PKN2: variants seen among roughly 807,000 people sequenced by gnomAD.
PKN2 encodes the protein serine/threonine-protein kinase N2.
A neutral mutation model predicts 119.1 loss-of-function variants in PKN2; 38 were observed. The observed-to-expected ratio is 0.32, with a 90% confidence interval of 0.25 to 0.42. The LOEUF is 0.42. PKN2 is among the 10% of genes least tolerant of loss of function. The probability of loss-of-function intolerance (pLI) is 1.00; values close to 1 mark genes in which losing one functional copy is unlikely to be tolerated. For missense variants in PKN2, 850 were observed against 1,165.1 expected, an observed-to-expected ratio of 0.73 and a Z score of 3.94; for synonymous variants, 390 against 384.9, an observed-to-expected ratio of 1.01 and a Z score of -0.15.
At position 88,781,159 on chromosome 1, in the gene PKN2, A is replaced by C. The variant is rs775327705; in HGVS notation, c.986-3480A>C. Reference sequence around the variant, plus strand: ...ATGACGAAAAGATGAACATGGATGAATAGTAAGAGCATTTGCTGTTCTGAA... The same window carrying C: ...ATGACGAAAAGATGAACATGGATGACTAGTAAGAGCATTTGCTGTTCTGAA... On this transcript the variant is annotated intron_variant, in intron 6 of 21. Transcript: ENST00000370521. The C allele has an allele frequency of 2.3e-6, 3 of 1,280,726 alleles. No individual in the cohort carries two copies. In the South Asian group the frequency reaches 3.8e-5, roughly 16 times the overall value. The allele number at this position is 1,280,726 out of a possible 1,614,324, so 79.3% of individuals were successfully genotyped here.
At chr1:88,799,964 G>A (rs551560561) in intron 8 of PKN2, among the ~76,000 whole-genome samples, 18 of 152,178 alleles carry the variant, frequency 1.2e-4, no homozygotes, top group African/African-American at 3.9e-4. Flanking sequence ...TCGTGTACAC[G>A]TTTGCAGAAA....
intron 16 of PKN2, among the ~76,000 whole-genome samples, chr1:88,818,578 G>A (rs1672111301): frequency 6.6e-6 from 1 of 151,628 alleles, no homozygotes; most frequent in South Asian, 2.1e-4. Flanking sequence ...AACCTGGGAG[G>A]TGGAGGTTGC....
At chr1:88,783,907 A>G (rs1226470568) in intron 6 of PKN2, among the ~76,000 whole-genome samples, 1 of 152,214 alleles carries the variant, frequency 6.6e-6, no homozygotes, top group African/African-American at 2.4e-5. Context: ...ACATTTATTT[A>G]GTTATACAAA....
chr1:88,720,145 C>T (rs1197200283), intron 1 of PKN2, among the ~76,000 whole-genome samples: 2 of 152,066 alleles, frequency 1.3e-5, no homozygotes, highest in African/African-American at 4.8e-5. Context: ...CTGATCCTCT[C>T]ACCTCAGCCT....
intron 8 of PKN2, among the ~76,000 whole-genome samples, chr1:88,790,705 A>G (rs1670795187): frequency 6.6e-6 from 1 of 152,050 alleles, no homozygotes; most frequent in Non-Finnish European, 1.5e-5. Flanking sequence ...TCAGTTTGAA[A>G]GCTTATTTGT....
At chr1:88,747,074 T>C (rs1231476689) in intron 2 of PKN2, among the ~76,000 whole-genome samples, 1 of 152,110 alleles carries the variant, frequency 6.6e-6, no homozygotes, top group Non-Finnish European at 1.5e-5. Flanking sequence ...TAGAAGAGAA[T>C]GCTGATTACC....
chr1:88,755,725 A>G (rs918636725), intron 2 of PKN2, among the ~76,000 whole-genome samples: 2 of 152,190 alleles, frequency 1.3e-5, no homozygotes, highest in Non-Finnish European at 2.9e-5. Flanking sequence ...TATATAATCA[A>G]GACCATACCA....
chr1:88,785,931 G>A (rs1670554237), intron 7 of PKN2, among the ~76,000 whole-genome samples, 173 bp from the exon 8 acceptor site: 2 of 152,176 alleles, frequency 1.3e-5, no homozygotes. Context: ...GTGTCTAGTA[G>A]GAGTATATGT....
intron 1 of PKN2, among the ~76,000 whole-genome samples, chr1:88,711,478 A>AT (rs1309390871): frequency 1.3e-5 from 2 of 152,100 alleles, no homozygotes; most frequent in Non-Finnish European, 2.9e-5. Flanking sequence ...ATTTTTAATT[A>AT]TTTTTTATTG....
chr1:88,826,741 A>C (rs1235193462), intron 18 of PKN2, among the ~76,000 whole-genome samples: 1 of 152,186 alleles, frequency 6.6e-6, no homozygotes, highest in Non-Finnish European at 1.5e-5. Flanking sequence ...AACTTAAACC[A>C]GGTATTTATT....
chr1:88,742,404 A>C (rs752233459), intron 2 of PKN2, among the ~76,000 whole-genome samples: 1 of 152,168 alleles, frequency 6.6e-6, no homozygotes, highest in Non-Finnish European at 1.5e-5. Flanking sequence ...TCTGGGATTT[A>C]GGGCTTTTAT....
chr1:88,761,829 T>C (rs384804), intron 3 of PKN2, among the ~76,000 whole-genome samples: 110,388 of 152,024 alleles, frequency 0.73, 41,458 homozygotes, highest in African/African-American at 0.93. Flanking sequence ...CATTTGTTAT[T>C]GGATGATAGA....
chr1:88,708,474 G>A (rs1667091647), intron 1 of PKN2, among the ~76,000 whole-genome samples: 1 of 152,040 alleles, frequency 6.6e-6, no homozygotes, highest in African/African-American at 2.4e-5. Context: ...GATACAATAA[G>A]TCATACTTCA....
intron 4 of PKN2, among the ~76,000 whole-genome samples, chr1:88,770,752 ATTT>A (rs1253898949): frequency 2.7e-5 from 4 of 150,778 alleles, no homozygotes; most frequent in Non-Finnish European, 5.9e-5. Flanking sequence ...CGCCCGGCTA[ATTT>A]TTTGTATTTT....
intron 1 of PKN2, among the ~76,000 whole-genome samples, chr1:88,699,310 A>G (rs530262656): frequency 4.6e-5 from 7 of 152,278 alleles, no homozygotes; most frequent in African/African-American, 1.7e-4. Context: ...TGTGCAGCCC[A>G]TTCACTGCCT....
intron 2 of PKN2, among the ~76,000 whole-genome samples, chr1:88,750,259 A>C (rs1668934924): frequency 6.6e-6 from 1 of 152,216 alleles, no homozygotes; most frequent in Non-Finnish European, 1.5e-5. Flanking sequence ...TCAAGAATTA[A>C]ACCATATTCC....
chr1:88,779,883 C>A (rs897600020), intron 6 of PKN2, among the ~76,000 whole-genome samples: 22 of 152,126 alleles, frequency 1.4e-4, no homozygotes, highest in African/African-American at 5.1e-4. Flanking sequence ...CTGAGGCAAC[C>A]TGGGATACCA....
chr1:88,776,952 T>C (rs145939798), intron 6 of PKN2, among the ~76,000 whole-genome samples: 1 of 152,332 alleles, frequency 6.6e-6, no homozygotes, highest in East Asian at 1.9e-4. Context: ...TTGAGCTTGA[T>C]GTGTAGGTTC....
At chr1:88,831,659 C>T (rs1226672117) in intron 19 of PKN2, among the ~76,000 whole-genome samples, 10 of 151,978 alleles carry the variant, frequency 6.6e-5, no homozygotes, top group Admixed American at 6.6e-4. Context: ...TTAAAGATTG[C>T]TCACTTTCCC....
Sources: gnomAD v4.1 joint callset for allele counts (sites outside exome capture counted in the v4.1 genomes callset) on GRCh38, gnomAD v4.1.1 for gene constraint, MANE v1.5 for transcripts, NCBI Gene and HGNC (gene_info 2026-07-23, HGNC 2026-07-21) for gene names.